Variants in CYTIP observed in about 807,000 individuals in gnomAD.
CYTIP encodes cytohesin 1 interacting protein, also known as cytohesin-interacting protein.
In CYTIP, 26 loss-of-function variants were observed where a neutral mutation model predicts 43.8. The ratio of observed to expected loss-of-function variants is 0.59; its 90% CI spans 0.44 to 0.82. CYTIP has a LOEUF of 0.82. Among genes scored for constraint, CYTIP ranks in the 40% least tolerant of loss-of-function variants. The pLI, the probability that CYTIP is intolerant of heterozygous loss-of-function variation, is 0.00. For synonymous variants in CYTIP, 162 were observed against 162.9 expected, an observed-to-expected ratio of 0.99 and a Z score of 0.04; for missense variants, 426 against 443.1, an observed-to-expected ratio of 0.96 and a Z score of 0.35.
intron 5 of CYTIP, among the ~76,000 whole-genome samples, chr2:157,429,604 T>C (rs1005599261): frequency 5.3e-5 from 8 of 152,210 alleles, no homozygotes; most frequent in African/African-American, 1.7e-4. Flanking sequence ...ATTTGCTCAA[T>C]AAATATGATT....
Position 157,434,183 on chromosome 2 carries a change from T to G in CYTIP, c.279+187A>C, listed in dbSNP as rs141453297. The G allele has an allele frequency of 1.5e-3, 932 of 635,334 alleles. 4 individuals are homozygous for G. The highest frequency in any genetic ancestry group is 8.0e-3 in the East Asian group (290 of 36,194). 39.4% of individuals were successfully genotyped at this position (635,334 alleles called of 1,614,324 possible). A position where few individuals can be genotyped will look rare whatever the true frequency, so the allele number is the denominator to read the frequency against. On this transcript the variant is annotated intron_variant, in intron 3 of 7. Transcript: ENST00000264192. The stretch of plus-strand genomic sequence containing the variant: ...ATATCGCAGAGGTTTTGTTATCATC[T>G]TCAATGTTTTCTTTCCTTAATAGTA...
intron 1 of CYTIP, among the ~76,000 whole-genome samples, chr2:157,443,470 A>G (rs1685948743): frequency 6.6e-6 from 1 of 152,248 alleles, no homozygotes; most frequent in Non-Finnish European, 1.5e-5. Context: ...ATGACCATCA[A>G]GGACTGCAAG....
chr2:157,439,076 T>TA (rs1685861437), intron 1 of CYTIP: 1 of 198,954 alleles, frequency 5.0e-6, no homozygotes, highest in South Asian at 7.1e-5. Context: ...ATTGACTAGT[T>TA]AAAGATGAAA....
chr2:157,419,768 G>T (rs1480121985), intron 6 of CYTIP, among the ~76,000 whole-genome samples: 1 of 152,086 alleles, frequency 6.6e-6, no homozygotes, highest in Non-Finnish European at 1.5e-5. Flanking sequence ...TAAAAAGGAA[G>T]AGGCAAAAAA....
At chr2:157,416,402 ATG>A (rs1447377850) in intron 7 of CYTIP, among the ~76,000 whole-genome samples, 2 of 152,220 alleles carry the variant, frequency 1.3e-5, no homozygotes. Context: ...TTTAAACAAG[ATG>A]TTTCATATGA....
chr2:157,429,980 G>A (rs1051105678), intron 5 of CYTIP, among the ~76,000 whole-genome samples: 2 of 145,608 alleles, frequency 1.4e-5, no homozygotes, highest in South Asian at 2.1e-4. Flanking sequence ...CCAAGATCGC[G>A]CCACTGCACT....
At position 157,415,745 on chromosome 2, in the gene CYTIP, G is replaced by A. The variant is rs775465037; in HGVS notation, c.1012C>T (p.Arg338Ter). 7.4e-6 allele frequency: 12 copies of A among 1,613,908 alleles called. No homozygotes were observed. Among genetic ancestry groups the A allele is most frequent in the Middle Eastern group, 1.6e-4 (1 of 6,084 alleles). The change falls in exon 8 of 8, where the codon CGA (arginine) becomes TGA (stop). Residue 338 changes from arginine (R) to a stop codon, truncating the protein, a stop_gained. Coordinates refer to ENST00000264192, the MANE Select transcript of CYTIP (RefSeq NM_004288.5). LOFTEE classifies it high-confidence loss of function. ...GGGATAAATTTCAAGAGTTGCTTTCGGACACTTCCCTTTCTGCTCTTCCGG... is the reference window on the plus strand; with the variant it reads ...GGGATAAATTTCAAGAGTTGCTTTCAGACACTTCCCTTTCTGCTCTTCCGG... ...LPRKSRKGSVRKQLLKFIPGL... is the reference protein window; with the variant it reads ...LPRKSRKGSV
At chr2:157,433,024 GAATA>G (rs1685737905) in intron 3 of CYTIP, among the ~76,000 whole-genome samples, 1 of 152,160 alleles carries the variant, frequency 6.6e-6, no homozygotes, top group African/African-American at 2.4e-5. Context: ...GCTCCACGGA[GAATA>G]AGTGTTTATG....
intron 6 of CYTIP, among the ~76,000 whole-genome samples, chr2:157,421,606 T>C (rs763695813): frequency 1.3e-5 from 2 of 152,212 alleles, no homozygotes; most frequent in Non-Finnish European, 2.9e-5. Context: ...GATGTGCTGT[T>C]TTCATGTTGA....
At chr2:157,419,495 C>G (rs992397078) in intron 6 of CYTIP, among the ~76,000 whole-genome samples, 3 of 152,188 alleles carry the variant, frequency 2.0e-5, no homozygotes, top group Admixed American at 6.5e-5. Flanking sequence ...AAGTCTTGGC[C>G]TATCCCACAG....
Position 157,415,890 on chromosome 2 carries a change from C to T in CYTIP, c.867G>A (p.Glu289=), listed in dbSNP as rs761588156. Residue 289 remains glutamate (E), a synonymous_variant, in exon 8 of 8, where the codon GAG becomes GAA. Transcript: ENST00000264192. ...ATGACCTCCTCAGAAAATCATCCCC[C>T]TCCTTGGGGATAAAGCACTCATCAT... ...STDDECFIPK[E]GDDFLRRSSS... is the part of the protein sequence containing the mutation. 11 of 1,614,212 alleles carry T rather than the reference C, an allele frequency of 6.8e-6. No homozygotes were observed. Among genetic ancestry groups the T allele is most frequent in the South Asian group, 3.3e-5 (3 of 91,086 alleles).
chr2:157,440,962 T>G (rs1300390915), intron 1 of CYTIP, among the ~76,000 whole-genome samples: 1 of 151,994 alleles, frequency 6.6e-6, no homozygotes. Context: ...CCTAAAACTG[T>G]GTTCACAAGT....
intron 1 of CYTIP, among the ~76,000 whole-genome samples, chr2:157,438,699 A>T (rs983642949): frequency 6.6e-6 from 1 of 152,164 alleles, no homozygotes; most frequent in African/African-American, 2.4e-5. Context: ...AAACCAAAAA[A>T]TTTTAAATGA....
intron 6 of CYTIP, among the ~76,000 whole-genome samples, chr2:157,424,708 A>T (rs1182832921): frequency 6.6e-6 from 1 of 152,134 alleles, no homozygotes; most frequent in Non-Finnish European, 1.5e-5. Flanking sequence ...GATAAATAAA[A>T]TTTGAAATCA....
chr2:157,424,057 A>G (rs1259785312), intron 6 of CYTIP, among the ~76,000 whole-genome samples: 2 of 152,224 alleles, frequency 1.3e-5, no homozygotes, highest in Non-Finnish European at 1.5e-5. Context: ...TTTAAAATCA[A>G]GAATAAAACA....
chr2:157,418,455 C>T, intron 7 of CYTIP, 68 bp downstream of exon 7: 1 of 1,492,790 alleles, frequency 6.7e-7, no homozygotes, highest in Non-Finnish European at 9.1e-7. Flanking sequence ...AATCTTAAAC[C>T]AACTTTGAGG....
chr2:157,437,154 G>T (rs1685822799), intron 1 of CYTIP, among the ~76,000 whole-genome samples: 1 of 151,932 alleles, frequency 6.6e-6, no homozygotes, highest in Admixed American at 6.6e-5. Context: ...ATATTGGATT[G>T]GGAAAAAATT....
chr2:157,429,988 A>G (rs1685683589), intron 5 of CYTIP, among the ~76,000 whole-genome samples: 1 of 148,206 alleles, frequency 6.7e-6, no homozygotes, highest in African/African-American at 2.5e-5. Context: ...GCGCCACTGC[A>G]CTCCATCCAG....
chr2:157,418,026 A>T (rs1415193087), intron 7 of CYTIP, among the ~76,000 whole-genome samples: 1 of 152,224 alleles, frequency 6.6e-6, no homozygotes, highest in African/African-American at 2.4e-5. Flanking sequence ...TGTTGTATTC[A>T]TCTTACGCAT....
Sources: gnomAD v4.1 joint callset for allele counts (sites outside exome capture counted in the v4.1 genomes callset) on GRCh38, gnomAD v4.1.1 for gene constraint, MANE v1.5 for transcripts, NCBI Gene and HGNC (gene_info 2026-07-23, HGNC 2026-07-21) for gene names.